Variants in PLD5 observed in about 807,000 individuals in gnomAD.
The protein encoded by PLD5 is phospholipase D family member 5, also known as inactive phospholipase D5.
A neutral mutation model predicts 61.1 loss-of-function variants in PLD5; 36 were observed. The observed-to-expected ratio is 0.59, with a 90% CI of 0.45 to 0.78. The LOEUF (loss-of-function observed/expected upper bound fraction) is 0.78, where lower values mean the gene tolerates loss of function less well. Among genes scored for constraint, PLD5 ranks in the 30% least tolerant of loss-of-function variants. The pLI is 0.00. For synonymous variants in PLD5, 243 were observed against 242.8 expected (o/e 1.00, Z -0.01); for missense variants, 515 against 644.4 (o/e 0.80, Z 2.17).
chr1:242,168,854 T>TTTTTTTTG (rs1666529634), intron 5 of PLD5, among the ~76,000 whole-genome samples: 1 of 139,024 alleles, frequency 7.2e-6, no homozygotes, highest in Admixed American at 8.1e-5. Flanking sequence ...AAGTTTTTTT[T>TTTTTTTTG]TTTTTTTTTT....
chr1:242,493,262 C>T (rs1456326792), intron 1 of PLD5, among the ~76,000 whole-genome samples: 1 of 152,108 alleles, frequency 6.6e-6, no homozygotes, highest in Non-Finnish European at 1.5e-5. Flanking sequence ...GAAAGGGCAA[C>T]CTGTGGACTT....
intron 1 of PLD5, among the ~76,000 whole-genome samples, chr1:242,396,458 A>G (rs1663577109): frequency 6.6e-6 from 1 of 151,988 alleles, no homozygotes; most frequent in South Asian, 2.1e-4. Context: ...CACAGTAACT[A>G]TTTCAAAACA....
rs1431069330 is a variant in PLD5, at chr1:242,287,253, C to T, written c.495+1109G>A. ...CCAGGATTCTCCATCCCCAGGCAAC[C>T]CACCCCAGCCAATACCATATGGATC... On this transcript the variant is annotated intron_variant, in intron 3 of 9. Transcript: ENST00000536534. 4.6e-5 allele frequency among the ~76,000 whole-genome samples: 7 copies of T among 152,238 alleles called. No individual in the cohort carries two copies. The South Asian group carries it at 6.2e-4, about 14-fold the overall frequency.
intron 7 of PLD5, 99 bp from the exon 8 acceptor site, chr1:242,107,938 C>T (rs1661190691): frequency 8.5e-7 from 1 of 1,174,344 alleles, no homozygotes; most frequent in Non-Finnish European, 1.2e-6. Context: ...CAGATCATTA[C>T]TTTATCCTGT....
chr1:242,202,510 C>T (rs1234552431), intron 5 of PLD5, among the ~76,000 whole-genome samples: 2 of 152,160 alleles, frequency 1.3e-5, no homozygotes, highest in African/African-American at 4.8e-5. Flanking sequence ...AAAACTGTTC[C>T]TCCACTGAAT....
intron 5 of PLD5, among the ~76,000 whole-genome samples, chr1:242,151,456 TC>T (rs1454433744): frequency 6.6e-6 from 1 of 152,004 alleles, no homozygotes; most frequent in Non-Finnish European, 1.5e-5. Flanking sequence ...CGGAGTTTTT[TC>T]CCCCAGCACT....
At chr1:242,410,220 T>C (rs545490496) in intron 1 of PLD5, among the ~76,000 whole-genome samples, 1 of 152,206 alleles carries the variant, frequency 6.6e-6, no homozygotes, top group Admixed American at 6.5e-5. Context: ...CTCGGAAGAA[T>C]AGCATGTCCA....
At chr1:242,252,257 G>A (rs974689366) in intron 4 of PLD5, among the ~76,000 whole-genome samples, 1 of 152,234 alleles carries the variant, frequency 6.6e-6, no homozygotes, top group Non-Finnish European at 1.5e-5. Flanking sequence ...ATAGAGCTTG[G>A]CATCTTAACT....
chr1:242,111,463 A>G (rs1456375747), intron 7 of PLD5, among the ~76,000 whole-genome samples: 1 of 152,170 alleles, frequency 6.6e-6, no homozygotes, highest in Non-Finnish European at 1.5e-5. Context: ...TTGCTAAATA[A>G]TAGTGTCTGT....
chr1:242,197,676 C>T (rs1668724382), intron 5 of PLD5, among the ~76,000 whole-genome samples: 1 of 151,590 alleles, frequency 6.6e-6, no homozygotes, highest in African/African-American at 2.4e-5. Context: ...GCTCTGTCCC[C>T]CAGGCTGGAA....
intron 2 of PLD5, among the ~76,000 whole-genome samples, chr1:242,311,044 C>CA (rs1468605328): frequency 6.6e-6 from 1 of 151,710 alleles, no homozygotes; most frequent in Non-Finnish European, 1.5e-5. Context: ...ATACTATAAA[C>CA]AAAAAAACCC....
chr1:242,344,249 G>A (rs1053709898), intron 2 of PLD5, among the ~76,000 whole-genome samples: 13 of 152,072 alleles, frequency 8.5e-5, no homozygotes, highest in Admixed American at 1.3e-4. Context: ...TCTCGTTATC[G>A]CACCTACAGC....
intron 9 of PLD5, among the ~76,000 whole-genome samples, chr1:242,095,547 A>G (rs1270983820): frequency 6.6e-6 from 1 of 152,162 alleles, no homozygotes; most frequent in East Asian, 1.9e-4. Context: ...CATTTAATTC[A>G]TCAAAAGTAC....
intron 2 of PLD5, among the ~76,000 whole-genome samples, chr1:242,323,032 A>G (rs888388362): frequency 2.0e-5 from 3 of 152,186 alleles, no homozygotes; most frequent in African/African-American, 7.2e-5. Context: ...CATGCCTGGC[A>G]TTTAGTCAAT....
At chr1:242,226,659 G>A (rs1670962836) in intron 4 of PLD5, among the ~76,000 whole-genome samples, 1 of 152,144 alleles carries the variant, frequency 6.6e-6, no homozygotes, top group Non-Finnish European at 1.5e-5. Context: ...ATAAAGTGAT[G>A]CGGCTAACCT....
intron 1 of PLD5, among the ~76,000 whole-genome samples, chr1:242,384,800 C>T (rs1662505752): frequency 6.6e-6 from 1 of 152,152 alleles, no homozygotes; most frequent in Non-Finnish European, 1.5e-5. Flanking sequence ...ATTTGAATTA[C>T]CTTTTGATGA....
At chr1:242,360,546 C>T (rs6694346) in intron 1 of PLD5, among the ~76,000 whole-genome samples, 5,366 of 152,130 alleles carry the variant, frequency 0.035, 224 homozygotes, top group African/African-American at 0.096. Context: ...CTACTGAGAC[C>T]TAACTGCCAT....
chr1:242,496,615 T>G (rs897407966), intron 1 of PLD5, among the ~76,000 whole-genome samples: 4 of 152,198 alleles, frequency 2.6e-5, no homozygotes, highest in African/African-American at 9.7e-5. Flanking sequence ...ATATTGTCAT[T>G]TATAATTCTC....
rs200259011 is a variant in PLD5 at position 242,296,883 on chromosome 1, CTAAT to C, written c.327-8357_327-8354del. On this transcript the variant is annotated intron_variant, in intron 2 of 9. Coordinates refer to ENST00000536534, the MANE Select transcript of PLD5 (RefSeq NM_001372062.1). ...TACAGGTGTACGCCACTAGGCCCAGCTAATTATTTATTTATTTACTGTTGTAGAG... is the reference window on the plus strand; with the variant it reads ...TACAGGTGTACGCCACTAGGCCCAGCTATTTATTTATTTACTGTTGTAGAG... Among the ~76,000 whole-genome samples, 732 of 152,266 alleles carry C rather than the reference CTAAT, an allele frequency of 4.8e-3. 5 individuals are homozygous for C. Among genetic ancestry groups the C allele is most frequent in the Middle Eastern group, 0.02 (6 of 294 alleles).
Sources: allele counts gnomAD v4.1 joint callset (sites outside exome capture counted in the v4.1 genomes callset), GRCh38; gene constraint gnomAD v4.1.1; transcripts MANE v1.5; gene names NCBI Gene and HGNC (gene_info 2026-07-23, HGNC 2026-07-21).